The following LAMA5 variants were observed in gnomAD, a reference collection of about 807,000 sequenced individuals.
The protein encoded by LAMA5 is laminin subunit alpha 5, also known as laminin subunit alpha-5.
Under a neutral mutation model 433.4 loss-of-function variants are expected in LAMA5, and 260 were observed. The ratio of observed to expected loss-of-function variants is 0.60; its 90% confidence interval spans 0.54 to 0.66. The LOEUF (loss-of-function observed/expected upper bound fraction) is 0.66, where lower values mean the gene tolerates loss of function less well. LAMA5 is among the 30% of genes least tolerant of loss of function. LAMA5 has a pLI of 0.00. For missense variants in LAMA5, 5,378 were observed against 5,258.5 expected, an observed-to-expected ratio of 1.02 and a Z score of -0.70; for synonymous variants, 2,620 against 2,226.6, an observed-to-expected ratio of 1.18 and a Z score of -4.97.
chr20:62,319,705 C>T lies in LAMA5; in HGVS notation c.6850G>A (p.Ala2284Thr). The change falls in exon 51 of 80, where the codon GCT becomes ACT. Residue 2284 changes from alanine (A) to threonine (T), a missense_variant. Coordinates refer to ENST00000252999, the MANE Select transcript of LAMA5 (RefSeq NM_005560.6). ...CTACCGCTCAGGGTGCGGTCCACAG[C>T]CCGGATGGCCGCCAACAGCGTCTTC... ...HAKTLLAAIR[A>T]VDRTLSELMS... The T allele has an allele frequency of 1.9e-6, 3 of 1,545,186 alleles. No homozygotes were observed. The highest frequency in any genetic ancestry group is 2.6e-6 in the Non-Finnish European group (3 of 1,146,770).
At position 62,338,460 on chromosome 20, in the gene LAMA5, G is replaced by T. The variant is rs374825377; in HGVS notation, c.1618+8C>A. The T allele has an allele frequency of 6.2e-7, 1 of 1,608,074 alleles. No individual in the cohort carries two copies. Among genetic ancestry groups the T allele is most frequent in the Admixed American group, 1.7e-5 (1 of 58,998 alleles). On this transcript the variant is annotated splice_region_variant and intron_variant, in intron 12 of 79. Transcript: ENST00000252999. ...CAGGTAGAGGTTGAGCGGGGAGAGGGGACTCACGCTGGCAGCCGGGGCCGT... is the reference window on the plus strand; with the variant it reads ...CAGGTAGAGGTTGAGCGGGGAGAGGTGACTCACGCTGGCAGCCGGGGCCGT...
Position 62,333,247 on chromosome 20 carries a change from G to C in LAMA5, c.3129-4C>G. On this transcript the variant is annotated splice_region_variant and splice_polypyrimidine_tract_variant and intron_variant, in intron 25 of 79. Transcript: ENST00000252999. The stretch of plus-strand genomic sequence containing the variant: ...GAGGTGTGTGTAGAGGAGGCAGCTG[G>C]GGGGACACAGGCCGTGGTCAGCCCC... 1 of 1,551,660 alleles carries C rather than the reference G, an allele frequency of 6.4e-7. No individual in the cohort carries two copies. Among genetic ancestry groups the C allele is most frequent in the East Asian group, 2.3e-5 (1 of 44,258 alleles).
Position 62,337,618 on chromosome 20 carries a change from G to C in LAMA5, c.2136C>G (p.Pro712=). 6.2e-7 allele frequency: 1 copy of C among 1,611,172 alleles called. No individual in the cohort carries two copies. Among genetic ancestry groups the C allele is most frequent in the Non-Finnish European group, 8.5e-7 (1 of 1,179,274 alleles). ...CGCAGTAGGGGAAGTTGTAGGCACC[G>C]GGCACACATGTGTCACACCGCAGCC... ...VTGLRCDTCV[P]GAYNFPYCEA... Residue 712 remains proline, a synonymous_variant, in exon 16 of 80, where the codon CCC becomes CCG. Coordinates refer to ENST00000252999, the MANE Select transcript of LAMA5 (RefSeq NM_005560.6).
Position 62,346,506 on chromosome 20 carries a change from G to C in LAMA5, c.1282C>G (p.Arg428Gly). The change falls in exon 9 of 80, where the codon CGC becomes GGC. Residue 428 changes from arginine to glycine, a missense_variant and splice_region_variant. By Grantham distance (125) the Arg-to-Gly change is moderately radical. Transcript: ENST00000252999. The stretch of plus-strand genomic sequence containing the variant: ...CACCCGCCCAGCTGAGCCCACTCAC[G>C]GCGGCAGACGTGGGGCGAGTCGAGA... ...HPLDSPHVCR[R>G]CNCESDFTDG... 1 of 1,550,908 alleles carries C rather than the reference G, an allele frequency of 6.4e-7. No homozygotes were observed. The highest frequency in any genetic ancestry group is 8.7e-7 in the Non-Finnish European group (1 of 1,146,848).
intron 51 of LAMA5, 25 bp from the exon 52 acceptor site, chr20:62,319,038 C>G: frequency 6.6e-7 from 1 of 1,521,406 alleles, no homozygotes; most frequent in South Asian, 1.3e-5. Context: ...TTCGTCAGAG[C>G]CTGGGGCCGC....
intron 57 of LAMA5, 102 bp from the exon 58 acceptor site, chr20:62,316,160 C>T: frequency 1.3e-6 from 1 of 761,618 alleles, no homozygotes; most frequent in Admixed American, 2.1e-5. Context: ...GGCTGACACA[C>T]AGCAGACAGA....
intron 11 of LAMA5, among the ~76,000 whole-genome samples, chr20:62,344,523 T>C (rs187675063): frequency 6.6e-6 from 1 of 151,890 alleles, no homozygotes; most frequent in Non-Finnish European, 1.5e-5. Flanking sequence ...GTGATGGTGG[T>C]TCTCAGCTCA....
At chr20:62,362,660 T>A in intron 1 of LAMA5, 108 bp from the exon 2 acceptor site, 1 of 1,015,714 alleles carries the variant, frequency 9.8e-7, no homozygotes, top group South Asian at 2.3e-5. Flanking sequence ...CTGAGCTGGT[T>A]CCACGCCCAG....
intron 2 of LAMA5, among the ~76,000 whole-genome samples, chr20:62,355,645 T>C (rs1172611909): frequency 2.0e-5 from 3 of 151,780 alleles, no homozygotes; most frequent in African/African-American, 7.3e-5. Flanking sequence ...ATCGTCTACC[T>C]CCCTGTGGGT....
At chr20:62,363,492 G>A (rs1986385771) in intron 1 of LAMA5, among the ~76,000 whole-genome samples, 1 of 152,160 alleles carries the variant, frequency 6.6e-6, no homozygotes, top group African/African-American at 2.4e-5. Context: ...GAGGCTCCCA[G>A]CAGAATCCTG....
At chr20:62,321,225 AGGAGGCGGGGCCTGTGG>A in intron 48 of LAMA5, among the ~76,000 whole-genome samples, 1 of 7,970 alleles carries the variant, frequency 1.3e-4, no homozygotes, top group South Asian at 3.9e-3. Flanking sequence ...GGGCCAGTGG[AGGAGGCGGGGCCTGTGG>A]AGGGGTGGGG....
rs976356452 is a variant in LAMA5, at chr20:62,338,106, C to T, written c.1801G>A (p.Glu601Lys). The change falls in exon 14 of 80, where the codon GAG becomes AAG. Residue 601 changes from glutamate to lysine, a missense_variant. Coordinates refer to ENST00000252999, the MANE Select transcript of LAMA5 (RefSeq NM_005560.6). ...PAGTLPEGCD[E>K]AGRCLCQPEF... ...GGCTGGCATAGGCAGCGGCCGGCCTCATCGCAGCCCTCGGGCAAGGTTCCT... is the reference window on the plus strand; with the variant it reads ...GGCTGGCATAGGCAGCGGCCGGCCTTATCGCAGCCCTCGGGCAAGGTTCCT... The T allele has an allele frequency of 1.9e-6, 3 of 1,600,384 alleles. No homozygotes were observed. The highest frequency in any genetic ancestry group is 2.6e-6 in the Non-Finnish European group (3 of 1,172,752).
Position 62,333,404 on chromosome 20 carries a change from G to C in LAMA5, c.3099C>G (p.Tyr1033Ter). 1 of 1,612,738 alleles carries C rather than the reference G, an allele frequency of 6.2e-7. No individual in the cohort carries two copies. The highest frequency in any genetic ancestry group is 8.5e-7 in the Non-Finnish European group (1 of 1,179,896). ...LQLRVTEACTYRPSAQQSGDN... is the reference protein window; with the variant it reads ...LQLRVTEACT ...CGCCAGACTGCTGGGCAGAGGGACGGTATGTGCAGGCCTCAGTCACCCGCA... is the reference window on the plus strand; with the variant it reads ...CGCCAGACTGCTGGGCAGAGGGACGCTATGTGCAGGCCTCAGTCACCCGCA... Residue 1033 changes from tyrosine to a stop codon, truncating the protein, a stop_gained, in exon 25 of 80, where the codon TAC becomes TAG. Coordinates refer to ENST00000252999, the MANE Select transcript of LAMA5 (RefSeq NM_005560.6). LOFTEE classifies it high-confidence loss of function.
In LAMA5 at chr20:62,324,246, A is replaced by G; in HGVS notation, c.5644-42T>C. On this transcript the variant is annotated intron_variant, in intron 42 of 79. Transcript: ENST00000252999. The surrounding 1 kb of genome is among the most constrained non-coding windows in gnomAD (Gnocchi z 4.4). ...AGTCAGAGCTATGGTGGACACCCAC[A>G]TCCTACTGCCGAGTCTGTGCAGCTC... 6.4e-7 allele frequency: 1 copy of G among 1,574,120 alleles called. No individual in the cohort carries two copies.
chr20:62,367,026 G>T lies in LAMA5; in HGVS notation c.220C>A (p.Pro74Thr). ...CGEEAPARGS[P>T]RPTEDLYCKL... ...CAGTAAAGGTCCTCGGTGGGGCGCG[G>T]GGAGCCGCGCGCCGGGGCCTCCTCT... Residue 74 changes from proline (P) to threonine (T), a missense_variant, in exon 1 of 80, where the codon CCG (proline) becomes ACG (threonine). Physicochemically the swap from Pro to Thr is conservative, Grantham distance 38. Transcript: ENST00000252999. The T allele has an allele frequency of 7.8e-7, 1 of 1,276,942 alleles. No homozygotes were observed. The highest frequency in any genetic ancestry group is 9.9e-7 in the Non-Finnish European group (1 of 1,014,852). 79.1% of individuals were successfully genotyped at this position (1,276,942 alleles called of 1,614,324 possible).
chr20:62,348,697 C>G (rs1025036550), intron 6 of LAMA5, among the ~76,000 whole-genome samples: 3 of 151,396 alleles, frequency 2.0e-5, no homozygotes, highest in Non-Finnish European at 4.4e-5. Flanking sequence ...GAAAAAGAAC[C>G]AATCAGAACT....
chr20:62,326,581 C>T (rs1030242072), intron 40 of LAMA5, 96 bp downstream of exon 40: 55 of 1,014,016 alleles, frequency 5.4e-5, no homozygotes, highest in Admixed American at 3.2e-4. Context: ...TTTTCCACCA[C>T]GGAGAATGGG....
chr20:62,318,753 C>A, intron 52 of LAMA5, 90 bp downstream of exon 52: 5 of 1,569,380 alleles, frequency 3.2e-6, no homozygotes, highest in Non-Finnish European at 4.3e-6. Context: ...CCGTGATGCC[C>A]ACCTGATGCC....
Position 62,346,179 on chromosome 20 carries a change from C to A in LAMA5, c.1319G>T (p.Cys440Phe). Reference protein sequence around the residue: ...NCESDFTDGTCEDLTGRCYCR... With the variant: ...NCESDFTDGTFEDLTGRCYCR... The stretch of plus-strand genomic sequence containing the variant: ...GTAGCATCGACCCGTCAGGTCCTCG[C>A]AGGTGCCATCCGTGAAGTCGGACTC... The change falls in exon 10 of 80, where the codon TGC becomes TTC. Residue 440 changes from cysteine to phenylalanine, a missense_variant. Cys to Phe is a radical substitution (Grantham distance 205, BLOSUM62 -2). Coordinates refer to ENST00000252999, the MANE Select transcript of LAMA5 (RefSeq NM_005560.6). 6.2e-7 allele frequency: 1 copy of A among 1,612,754 alleles called. No individual in the cohort carries two copies. Among genetic ancestry groups the A allele is most frequent in the Non-Finnish European group, 8.5e-7 (1 of 1,179,876 alleles).
Sources: gnomAD v4.1 joint callset for allele counts (sites outside exome capture counted in the v4.1 genomes callset) on GRCh38, gnomAD v4.1.1 for gene constraint, Gnocchi (gnomAD v3.1) non-coding constraint, MANE v1.5 for transcripts, NCBI Gene and HGNC (gene_info 2026-07-23, HGNC 2026-07-21) for gene names.